Variants in SOHLH2 observed in about 807,000 individuals in gnomAD.
SOHLH2 encodes the protein spermatogenesis and oogenesis specific basic helix-loop-helix 2.
In SOHLH2, 22 loss-of-function variants were observed where a neutral mutation model predicts 50.4. That is an observed-to-expected ratio of 0.44 (90% CI 0.31 to 0.62). SOHLH2 has a LOEUF of 0.62. Ranked by LOEUF, SOHLH2 falls within the 20% of genes least tolerant of loss-of-function variation. The probability of loss-of-function intolerance (pLI) is 0.08; values close to 1 mark genes in which losing one functional copy is unlikely to be tolerated. For missense variants in SOHLH2, 412 were observed against 504.4 expected (o/e 0.82, Z 1.76); for synonymous variants, 185 against 187.3 (o/e 0.99, Z 0.10).
rs1205695292 is a variant in SOHLH2, at chr13:36,169,065, G to T, written c.1258-11C>A. On this transcript the variant is annotated splice_polypyrimidine_tract_variant and intron_variant, in intron 10 of 10. Coordinates refer to ENST00000379881, the MANE Select transcript of SOHLH2 (RefSeq NM_017826.3). ...CGCCCAAAACTGTTGCTGCAAAGAA[G>T]GGGGAAAAACCCACATTAATTGAAT... is the stretch of plus-strand genomic sequence containing the variant. 4.4e-6 allele frequency: 7 copies of T among 1,605,674 alleles called. No individual in the cohort carries two copies. Among genetic ancestry groups the T allele is most frequent in the Non-Finnish European group, 5.9e-6 (7 of 1,177,436 alleles).
intron 6 of SOHLH2, among the ~76,000 whole-genome samples, chr13:36,175,935 C>T (rs983635572): frequency 1.3e-5 from 2 of 152,074 alleles, no homozygotes; most frequent in East Asian, 1.9e-4. Context: ...TACAAGGATC[C>T]GTCCTGAGGA....
chr13:36,213,884 C>A (rs886129383), intron 1 of SOHLH2, among the ~76,000 whole-genome samples: 3 of 152,102 alleles, frequency 2.0e-5, no homozygotes, highest in Non-Finnish European at 4.4e-5. Flanking sequence ...AATAACGCGC[C>A]TAAATAAACT....
At chr13:36,174,354 C>A in intron 8 of SOHLH2, 122 bp downstream of exon 8, 1 of 1,279,048 alleles carries the variant, frequency 7.8e-7, no homozygotes, top group South Asian at 1.5e-5. Flanking sequence ...TAGAAAAGTT[C>A]GCTGACCCTT....
At chr13:36,214,307 C>G (rs1292616043) in intron 1 of SOHLH2, among the ~76,000 whole-genome samples, 172 bp downstream of exon 1, 2 of 151,968 alleles carry the variant, frequency 1.3e-5, no homozygotes, top group African/African-American at 4.8e-5. Context: ...CTCGGGGCGC[C>G]GGGGGAGAGT....
At chr13:36,190,157 G>T in intron 5 of SOHLH2, 101 bp from the exon 6 acceptor site, 1 of 1,060,140 alleles carries the variant, frequency 9.4e-7, no homozygotes, top group Non-Finnish European at 1.3e-6. Context: ...GCTTCTCTAA[G>T]TCTCTTGCTT....
At chr13:36,190,796 C>G (rs1464646993) in intron 5 of SOHLH2, among the ~76,000 whole-genome samples, 1 of 152,200 alleles carries the variant, frequency 6.6e-6, no homozygotes, top group Non-Finnish European at 1.5e-5. Flanking sequence ...CCTTTCCCAA[C>G]CCCATATCCT....
intron 6 of SOHLH2, 65 bp downstream of exon 6, chr13:36,189,881 T>G: frequency 1.4e-6 from 2 of 1,441,018 alleles, no homozygotes; most frequent in Non-Finnish European, 1.9e-6. Context: ...TACAAAAAAT[T>G]ATAAAATTCA....
At chr13:36,181,358 A>C (rs1015566499) in intron 6 of SOHLH2, among the ~76,000 whole-genome samples, 3 of 152,078 alleles carry the variant, frequency 2.0e-5, no homozygotes, top group African/African-American at 7.2e-5. Context: ...AAGGTCTACC[A>C]TACCTTTTTT....
At chr13:36,192,707 A>G (rs1593949665) in intron 4 of SOHLH2, among the ~76,000 whole-genome samples, 1 of 152,332 alleles carries the variant, frequency 6.6e-6, no homozygotes, top group South Asian at 2.1e-4. Flanking sequence ...TAATATACAT[A>G]TATATTGTGA....
At chr13:36,212,764 T>C (rs1869202208) in intron 1 of SOHLH2, among the ~76,000 whole-genome samples, 1 of 152,248 alleles carries the variant, frequency 6.6e-6, no homozygotes, top group Non-Finnish European at 1.5e-5. Flanking sequence ...TATTAACACC[T>C]TGGTACATAC....
At chr13:36,187,853 T>G (rs1246901676) in intron 6 of SOHLH2, among the ~76,000 whole-genome samples, 1 of 152,152 alleles carries the variant, frequency 6.6e-6, no homozygotes, top group Non-Finnish European at 1.5e-5. Flanking sequence ...TAAAATTATT[T>G]GACCTTCCTC....
chr13:36,195,894 A>G lies in SOHLH2; in HGVS notation c.264-2027T>C, dbSNP rs868154955. ...TCTATGAGGAAATGAGAAACTCAGA[A>G]TATTATCATCAAAATAGGCATATGC... On this transcript the variant is annotated intron_variant, in intron 2 of 10. Coordinates refer to ENST00000379881, the MANE Select transcript of SOHLH2 (RefSeq NM_017826.3). 1.4e-4 allele frequency among the ~76,000 whole-genome samples: 21 copies of G among 152,160 alleles called. No homozygotes were observed. In the Middle Eastern group the frequency reaches 0.024, roughly 173 times the overall value.
At chr13:36,181,042 T>G (rs4297570) in intron 6 of SOHLH2, among the ~76,000 whole-genome samples, 60,839 of 151,942 alleles carry the variant, frequency 0.4, 12,351 homozygotes, top group South Asian at 0.42. Flanking sequence ...CCAAATATTT[T>G]GAAGTTCTTA....
intron 1 of SOHLH2, among the ~76,000 whole-genome samples, chr13:36,213,781 G>A (rs1473213992): frequency 7.2e-5 from 11 of 152,132 alleles, no homozygotes; most frequent in Admixed American, 7.2e-4. Context: ...GCCTGTTTGG[G>A]GGGAAGCTCC....
chr13:36,174,461 A>C lies in SOHLH2; in HGVS notation c.881+15T>G, dbSNP rs1296438389. 1.3e-5 allele frequency: 21 copies of C among 1,609,736 alleles called. No individual in the cohort carries two copies. The highest frequency in any genetic ancestry group is 1.8e-5 in the Non-Finnish European group (21 of 1,179,052). ...TAACTAGCAGACTTCAGATTCGCAA[A>C]AGCCCTTATCATACCGCTGTGCCAT... is the stretch of plus-strand genomic sequence containing the variant. On this transcript the variant is annotated intron_variant, in intron 8 of 10. Coordinates refer to ENST00000379881, the MANE Select transcript of SOHLH2 (RefSeq NM_017826.3).
chr13:36,191,379 A>G (rs376344444), intron 5 of SOHLH2, among the ~76,000 whole-genome samples: 11 of 152,190 alleles, frequency 7.2e-5, no homozygotes, highest in African/African-American at 2.7e-4. Context: ...GAGTTCGAGA[A>G]AGACAATGGG....
chr13:36,199,635 A>G (rs1030661715), intron 2 of SOHLH2, among the ~76,000 whole-genome samples: 2 of 152,242 alleles, frequency 1.3e-5, no homozygotes, highest in African/African-American at 4.8e-5. Context: ...ACCTTCATCT[A>G]CTTTCTTTTC....
intron 6 of SOHLH2, among the ~76,000 whole-genome samples, chr13:36,178,486 A>G (rs1013631283): frequency 1.3e-5 from 2 of 152,160 alleles, no homozygotes; most frequent in African/African-American, 4.8e-5. Flanking sequence ...CTATTTGTCA[A>G]CTTTTATGCC....
chr13:36,176,740 T>C (rs899288069), intron 6 of SOHLH2, among the ~76,000 whole-genome samples: 1 of 152,152 alleles, frequency 6.6e-6, no homozygotes, highest in African/African-American at 2.4e-5. Flanking sequence ...ATTTCAGATT[T>C]CAGATTTTCA....
Sources: gnomAD v4.1 joint callset for allele counts (sites outside exome capture counted in the v4.1 genomes callset) on GRCh38, gnomAD v4.1.1 for gene constraint, MANE v1.5 for transcripts, NCBI Gene and HGNC (gene_info 2026-07-23, HGNC 2026-07-21) for gene names.